P3H2: variants seen among roughly 807,000 people sequenced by gnomAD.
The protein encoded by P3H2 is prolyl 3-hydroxylase 2.
In P3H2, 80 loss-of-function variants were observed where a neutral mutation model predicts 87.0. The ratio of observed to expected loss-of-function variants is 0.92; its 90% confidence interval spans 0.77 to 1.11. The LOEUF (loss-of-function observed/expected upper bound fraction) is 1.11, where lower values mean the gene tolerates loss of function less well. P3H2 is among the 50% of genes least tolerant of loss of function. The pLI is 0.00. For missense variants in P3H2, 1,001 were observed against 923.9 expected (o/e 1.08, Z -1.08); for synonymous variants, 367 against 359.3 (o/e 1.02, Z -0.24).
At chr3:190,044,968 T>TG in intron 1 of P3H2, among the ~76,000 whole-genome samples, 1 of 152,260 alleles carries the variant, frequency 6.6e-6, no homozygotes, top group Admixed American at 6.5e-5. Context: ...TACAGTAATT[T>TG]GGGGAGGAGG....
At chr3:190,000,560 A>G (rs1724178399) in intron 1 of P3H2, among the ~76,000 whole-genome samples, 2 of 152,224 alleles carry the variant, frequency 1.3e-5, no homozygotes, top group African/African-American at 4.8e-5. Context: ...CTGGGCTGGA[A>G]GGAGAACTCC....
chr3:189,964,568 G>A (rs1353436741), intron 13 of P3H2, among the ~76,000 whole-genome samples: 3 of 152,196 alleles, frequency 2.0e-5, no homozygotes, highest in Non-Finnish European at 2.9e-5. Flanking sequence ...GAGCGTATAC[G>A]CTTTCTAATT....
At chr3:189,973,516 T>TTTC (rs1723247651) in intron 10 of P3H2, among the ~76,000 whole-genome samples, 1 of 63,950 alleles carries the variant, frequency 1.6e-5, no homozygotes, top group Non-Finnish European at 3.7e-5. Context: ...TCTTTCTTTT[T>TTTC]TTTTTTTTTT....
chr3:190,024,962 C>T (rs1254990446), intron 1 of P3H2, among the ~76,000 whole-genome samples: 2 of 152,072 alleles, frequency 1.3e-5, no homozygotes, highest in East Asian at 3.9e-4. Context: ...AAAATCCAGT[C>T]CAAAAACAGA....
intron 9 of P3H2, 34 bp downstream of exon 9, chr3:189,974,524 C>T (rs776443228): frequency 8.7e-6 from 14 of 1,612,228 alleles, no homozygotes; most frequent in South Asian, 4.4e-5. Flanking sequence ...GGCAGGCCAG[C>T]GCAGTGAGCT....
At chr3:190,098,459 T>C (rs956016888) in intron 1 of P3H2, among the ~76,000 whole-genome samples, 9 of 152,174 alleles carry the variant, frequency 5.9e-5, no homozygotes, top group Admixed American at 2.0e-4. Context: ...GACAGGATAA[T>C]AGATGATAGA....
At chr3:190,115,412 T>C (rs905030389) in intron 1 of P3H2, among the ~76,000 whole-genome samples, 1 of 146,260 alleles carries the variant, frequency 6.8e-6, no homozygotes, top group African/African-American at 2.5e-5. Context: ...TTTTAAATGG[T>C]TGGGAAAAGT....
chr3:189,966,187 G>GAAAT (rs1162757891), intron 13 of P3H2, among the ~76,000 whole-genome samples: 1 of 137,742 alleles, frequency 7.3e-6, no homozygotes, highest in Non-Finnish European at 1.6e-5. Flanking sequence ...AAGAAAGAAA[G>GAAAT]AAAGAAAAGC....
At chr3:190,001,215 C>A (rs771691970) in intron 1 of P3H2, among the ~76,000 whole-genome samples, 1 of 151,950 alleles carries the variant, frequency 6.6e-6, no homozygotes, top group African/African-American at 2.4e-5. Flanking sequence ...ATTTTGAATA[C>A]GAAATTAAGA....
intron 1 of P3H2, among the ~76,000 whole-genome samples, chr3:190,044,939 T>C (rs1725754160): frequency 6.6e-6 from 1 of 152,126 alleles, no homozygotes; most frequent in Non-Finnish European, 1.5e-5. Flanking sequence ...TCACTAAAAA[T>C]TGAAATTGGA....
chr3:190,031,745 C>CAAAA (rs3062146), intron 1 of P3H2, among the ~76,000 whole-genome samples: 1,811 of 150,746 alleles, frequency 0.012, 18 homozygotes, highest in South Asian at 0.024. Flanking sequence ...GATAAATTTG[C>CAAAA]AAAAAAAATG....
chr3:190,093,454 A>C (rs1251906092), intron 1 of P3H2, among the ~76,000 whole-genome samples: 1 of 152,218 alleles, frequency 6.6e-6, no homozygotes, highest in Non-Finnish European at 1.5e-5. Context: ...GTTCTGCTGG[A>C]TAGCTAGAAA....
At position 189,980,601 on chromosome 3, in the gene P3H2, T is replaced by A. The variant is rs532255508; in HGVS notation, c.1324+2445A>T. Among the ~76,000 whole-genome samples, 3 of 152,276 alleles carry A rather than the reference T, an allele frequency of 2.0e-5. No individual in the cohort carries two copies. The East Asian group carries it at 5.8e-4, about 29-fold the overall frequency. On this transcript the variant is annotated intron_variant, in intron 8 of 14. Transcript: ENST00000319332. Reference sequence around the variant, plus strand: ...AAGAGATATGAAAGTGTTTTCTGGTTGGAAACTTTGTATCTATCTACAACT... The same window carrying A: ...AAGAGATATGAAAGTGTTTTCTGGTAGGAAACTTTGTATCTATCTACAACT...
chr3:190,095,704 C>T (rs900752244), intron 1 of P3H2, among the ~76,000 whole-genome samples: 14 of 151,420 alleles, frequency 9.2e-5, no homozygotes, highest in Non-Finnish European at 1.6e-4. Context: ...GGGTTCACGC[C>T]ATTCTCCTGC....
At chr3:189,971,798 A>AC in intron 12 of P3H2, 92 bp downstream of exon 12, 1 of 812,688 alleles carries the variant, frequency 1.2e-6, no homozygotes, top group Non-Finnish European at 2.2e-6. Flanking sequence ...AGATATGAAC[A>AC]CGACGTCAAG....
At chr3:190,099,160 C>T (rs1711530973) in intron 1 of P3H2, among the ~76,000 whole-genome samples, 1 of 151,804 alleles carries the variant, frequency 6.6e-6, no homozygotes, top group Admixed American at 6.6e-5. Flanking sequence ...CTTCTTGCAG[C>T]AAAAATACTT....
At chr3:190,042,490 A>G (rs1426861291) in intron 1 of P3H2, among the ~76,000 whole-genome samples, 2 of 152,034 alleles carry the variant, frequency 1.3e-5, no homozygotes, top group Non-Finnish European at 2.9e-5. Context: ...TCACAGGCAT[A>G]TTGTGGAATA....
intron 1 of P3H2, among the ~76,000 whole-genome samples, chr3:190,105,000 A>G (rs1325857205): frequency 1.3e-5 from 2 of 152,222 alleles, no homozygotes; most frequent in Non-Finnish European, 2.9e-5. Context: ...AAAGGAAGCT[A>G]GAAAACTGTA....
intron 1 of P3H2, among the ~76,000 whole-genome samples, chr3:190,110,225 T>C (rs898242272): frequency 6.6e-6 from 1 of 152,188 alleles, no homozygotes; most frequent in African/African-American, 2.4e-5. Flanking sequence ...AAGTGACATT[T>C]TGCAATATAT....
Sources: allele counts gnomAD v4.1 joint callset (sites outside exome capture counted in the v4.1 genomes callset), GRCh38; gene constraint gnomAD v4.1.1; transcripts MANE v1.5; gene names NCBI Gene and HGNC (gene_info 2026-07-23, HGNC 2026-07-21).